The following ZNF385B variants were observed in gnomAD, a reference collection of about 807,000 sequenced individuals.
ZNF385B encodes zinc finger protein 533.
ZNF385B carries 23 observed loss-of-function variants against 39.2 expected under a neutral mutation model. The ratio of observed to expected loss-of-function variants is 0.59; its 90% confidence interval spans 0.42 to 0.83. The LOEUF is 0.83. Ranked by LOEUF, ZNF385B falls within the 40% of genes least tolerant of loss-of-function variation. The probability of loss-of-function intolerance (pLI) is 0.00; values close to 1 mark genes in which losing one functional copy is unlikely to be tolerated. For synonymous variants in ZNF385B, 205 were observed against 222.6 expected (o/e 0.92, Z 0.70); for missense variants, 552 against 598.9 (o/e 0.92, Z 0.82).
At chr2:179,498,117 C>T (rs1037725794) in intron 5 of ZNF385B, among the ~76,000 whole-genome samples, 9 of 152,170 alleles carry the variant, frequency 5.9e-5, no homozygotes, top group African/African-American at 2.2e-4. Context: ...TTGGAGACTT[C>T]AACAACCCAC....
At chr2:179,449,953 C>A (rs1442422151) in intron 6 of ZNF385B, among the ~76,000 whole-genome samples, 1 of 152,064 alleles carries the variant, frequency 6.6e-6, no homozygotes, top group Non-Finnish European at 1.5e-5. Context: ...TGCCGCATAT[C>A]TACAACCATC....
chr2:179,749,803 G>A (rs1488760589), intron 3 of ZNF385B, among the ~76,000 whole-genome samples: 1 of 152,064 alleles, frequency 6.6e-6, no homozygotes, highest in African/African-American at 2.4e-5. Context: ...CTAAGACTCA[G>A]TTTCCACACT....
chr2:179,761,182 T>C (rs1379640918), intron 3 of ZNF385B, among the ~76,000 whole-genome samples: 2 of 152,156 alleles, frequency 1.3e-5, no homozygotes, highest in Non-Finnish European at 2.9e-5. Context: ...TCCCTCCTTT[T>C]TTCTTCTTTG....
At chr2:179,657,096 G>A (rs897105738) in intron 3 of ZNF385B, among the ~76,000 whole-genome samples, 13 of 152,174 alleles carry the variant, frequency 8.5e-5, no homozygotes, top group African/African-American at 3.1e-4. Flanking sequence ...CTCTGTATTG[G>A]GGCAGGGAAG....
intron 1 of ZNF385B, among the ~76,000 whole-genome samples, chr2:179,797,884 A>C (rs1705774373): frequency 6.6e-6 from 1 of 152,132 alleles, no homozygotes; most frequent in South Asian, 2.1e-4. Flanking sequence ...TGCGATAGTA[A>C]TACTCTAATC....
chr2:179,816,001 A>G (rs1258470371), intron 1 of ZNF385B, among the ~76,000 whole-genome samples: 3 of 151,854 alleles, frequency 2.0e-5, no homozygotes, highest in Non-Finnish European at 4.4e-5. Context: ...CAACTTACAT[A>G]TAACACACAC....
In ZNF385B at chr2:179,608,856, G is replaced by C. The variant is rs1163146649; in HGVS notation, c.299-63887C>G. On this transcript the variant is annotated intron_variant, in intron 3 of 9. Transcript: ENST00000410066. ...AAGGGCCAAGACTGTGTGTGTGTGT[G>C]TGTGTGTGTGTGTGTGTGTGTGTGT... 1.4e-4 allele frequency among the ~76,000 whole-genome samples: 10 copies of C among 72,290 alleles called. No homozygotes were observed. In the East Asian group the frequency reaches 2.3e-3, roughly 17 times the overall value. The allele number at this position is 72,290 out of a possible 152,430, so 47.4% of individuals were successfully genotyped here.
intron 3 of ZNF385B, among the ~76,000 whole-genome samples, chr2:179,764,043 T>C (rs1703550926): frequency 6.6e-6 from 1 of 152,186 alleles, no homozygotes; most frequent in East Asian, 1.9e-4. Flanking sequence ...ATCCTATCAG[T>C]TGCTGAGAGT....
At chr2:179,476,083 G>A (rs886345047) in intron 6 of ZNF385B, among the ~76,000 whole-genome samples, 7 of 147,210 alleles carry the variant, frequency 4.8e-5, no homozygotes, top group Non-Finnish European at 7.4e-5. Flanking sequence ...CATGTGCCTC[G>A]CACACAGAAT....
At chr2:179,462,570 A>T (rs1457337942) in intron 6 of ZNF385B, among the ~76,000 whole-genome samples, 1 of 152,156 alleles carries the variant, frequency 6.6e-6, no homozygotes, top group East Asian at 1.9e-4. Context: ...TTCCATTAAG[A>T]TAGTTAATGG....
chr2:179,632,151 A>G (rs992132455), intron 3 of ZNF385B, among the ~76,000 whole-genome samples: 5 of 152,220 alleles, frequency 3.3e-5, no homozygotes, highest in African/African-American at 1.2e-4. Flanking sequence ...ATGAGACAGA[A>G]GGTTAACAAG....
At chr2:179,769,357 T>C in intron 3 of ZNF385B, 146 bp downstream of exon 3, 2 of 1,280,822 alleles carry the variant, frequency 1.6e-6, no homozygotes, top group Non-Finnish European at 1.1e-6. Context: ...AAACAGCTCA[T>C]GTATTTTACC....
chr2:179,656,847 T>A (rs957162413), intron 3 of ZNF385B, among the ~76,000 whole-genome samples: 2 of 152,188 alleles, frequency 1.3e-5, no homozygotes, highest in Non-Finnish European at 2.9e-5. Context: ...TTGGGAGCAA[T>A]GAATATGTAT....
At chr2:179,602,534 C>G (rs1174027892) in intron 3 of ZNF385B, among the ~76,000 whole-genome samples, 1 of 152,022 alleles carries the variant, frequency 6.6e-6, no homozygotes, top group African/African-American at 2.4e-5. Flanking sequence ...TATGAACATT[C>G]TACTTAGCAT....
At chr2:179,803,332 G>T (rs569162659) in intron 1 of ZNF385B, among the ~76,000 whole-genome samples, 34 of 152,194 alleles carry the variant, frequency 2.2e-4, no homozygotes, top group Admixed American at 1.1e-3. Context: ...CAAAAAAACA[G>T]ACAAAGTAAT....
chr2:179,856,344 G>A (rs1423819019), intron 1 of ZNF385B, among the ~76,000 whole-genome samples: 1 of 151,960 alleles, frequency 6.6e-6, no homozygotes, highest in African/African-American at 2.4e-5. Context: ...CCCTCAACCT[G>A]CTCCTCCTTC....
intron 3 of ZNF385B, among the ~76,000 whole-genome samples, chr2:179,690,873 A>C (rs529457808): frequency 6.6e-6 from 1 of 152,338 alleles, no homozygotes; most frequent in African/African-American, 2.4e-5. Context: ...TCTCAGTTTA[A>C]GAATTCTTAC....
In ZNF385B at chr2:179,769,790, G is replaced by A; in HGVS notation, c.11C>T (p.Ser4Phe). 6.2e-7 allele frequency: 1 copy of A among 1,609,890 alleles called. No homozygotes were observed. Residue 4 changes from serine (S) to phenylalanine (F), a missense_variant, in exon 3 of 10, where the codon TCC becomes TTC. Transcript: ENST00000410066. The stretch of plus-strand genomic sequence containing the variant: ...TTCAAGATGGTTGTCAGGGCTTAAG[G>A]AGTACCTCATGCCTGAAAAACAAAA... Reference protein sequence around the residue: MRYSLSPDNHLEDG... With the variant: MRYFLSPDNHLEDG...
intron 3 of ZNF385B, among the ~76,000 whole-genome samples, chr2:179,637,559 T>C (rs1303041053): frequency 6.6e-6 from 1 of 152,090 alleles, no homozygotes; most frequent in Non-Finnish European, 1.5e-5. Flanking sequence ...CAGTTTCAAA[T>C]TGAACATCAT....
Sources: gnomAD v4.1 joint callset for allele counts (sites outside exome capture counted in the v4.1 genomes callset) on GRCh38, gnomAD v4.1.1 for gene constraint, MANE v1.5 for transcripts, NCBI Gene and HGNC (gene_info 2026-07-23, HGNC 2026-07-21) for gene names.